KIAA1217: variants seen among roughly 807,000 people sequenced by gnomAD.
The protein encoded by KIAA1217 is sickle tail protein homolog.
In KIAA1217, 88 loss-of-function variants were observed where a neutral mutation model predicts 163.9. The observed-to-expected ratio is 0.54, with a 90% CI of 0.45 to 0.64. The LOEUF (loss-of-function observed/expected upper bound fraction) is 0.64, where lower values mean the gene tolerates loss of function less well. KIAA1217 is among the 30% of genes least tolerant of loss of function. The pLI is 0.00. For synonymous variants in KIAA1217, 903 were observed against 923.1 expected (o/e 0.98, Z 0.39); for missense variants, 2,372 against 2,475.0 (o/e 0.96, Z 0.88).
chr10:24,302,268 G>A (rs1343625599), intron 2 of KIAA1217, among the ~76,000 whole-genome samples: 1 of 152,210 alleles, frequency 6.6e-6, no homozygotes, highest in African/African-American at 2.4e-5. Context: ...CATTTCAAGA[G>A]ACAGGCCAGG....
chr10:24,477,289 G>A (rs530061223), intron 6 of KIAA1217, among the ~76,000 whole-genome samples: 3 of 152,290 alleles, frequency 2.0e-5, no homozygotes, highest in East Asian at 3.9e-4. Context: ...ATTATATGAT[G>A]TAATCATCAT....
intron 13 of KIAA1217, among the ~76,000 whole-genome samples, chr10:24,526,265 T>C (rs1414420219): frequency 1.3e-5 from 2 of 151,968 alleles, no homozygotes; most frequent in East Asian, 3.9e-4. Flanking sequence ...CTCTGAACAC[T>C]AGGTGGTTTC....
intron 5 of KIAA1217, among the ~76,000 whole-genome samples, chr10:24,456,882 T>C (rs1302636034): frequency 1.3e-5 from 2 of 151,938 alleles, no homozygotes; most frequent in African/African-American, 4.8e-5. Flanking sequence ...TTTGTGTTTT[T>C]AGTAGAGTCA....
intron 1 of KIAA1217, among the ~76,000 whole-genome samples, chr10:23,819,152 ACTCT>A (rs1442187759): frequency 6.6e-6 from 1 of 151,850 alleles, no homozygotes; most frequent in Non-Finnish European, 1.5e-5. Context: ...CCTCATATTC[ACTCT>A]CTCCTTCTTT....
chr10:23,880,037 G>A (rs994960216), intron 1 of KIAA1217, among the ~76,000 whole-genome samples: 2 of 151,900 alleles, frequency 1.3e-5, no homozygotes, highest in Non-Finnish European at 2.9e-5. Context: ...GACTGTTTCT[G>A]TTTTCTCAGG....
intron 3 of KIAA1217, among the ~76,000 whole-genome samples, chr10:24,424,823 G>C (rs917103549): frequency 6.6e-6 from 1 of 152,084 alleles, no homozygotes; most frequent in Non-Finnish European, 1.5e-5. Context: ...GGATGATCTC[G>C]ATCTCCTGAC....
intron 1 of KIAA1217, among the ~76,000 whole-genome samples, chr10:23,773,375 A>G (rs1834877879): frequency 6.6e-6 from 1 of 151,480 alleles, no homozygotes; most frequent in African/African-American, 2.4e-5. Context: ...GCCTTGTAGT[A>G]TAGTTTGAAG....
chr10:24,519,667 A>C (rs1235333747), intron 10 of KIAA1217, among the ~76,000 whole-genome samples: 1 of 152,120 alleles, frequency 6.6e-6, no homozygotes. Flanking sequence ...ACACAGCCCA[A>C]AATGTCAAAT....
chr10:24,208,094 A>G (rs957135091), upstream of KIAA1217, among the ~76,000 whole-genome samples: 21 of 150,096 alleles, frequency 1.4e-4, no homozygotes, highest in Non-Finnish European at 8.8e-5. Flanking sequence ...CGCAGAGCTA[A>G]TGTTGCCTAA....
At chr10:24,493,890 C>A (rs1181960902) in intron 6 of KIAA1217, among the ~76,000 whole-genome samples, 1 of 152,150 alleles carries the variant, frequency 6.6e-6, no homozygotes, top group Non-Finnish European at 1.5e-5. Flanking sequence ...AAACTCCTGA[C>A]CTCAGGTGAT....
chr10:23,906,427 A>C (rs1189051127), intron 1 of KIAA1217, among the ~76,000 whole-genome samples: 1 of 152,162 alleles, frequency 6.6e-6, no homozygotes, highest in East Asian at 1.9e-4. Flanking sequence ...TGAGAAGTAG[A>C]GAAAGAAATT....
chr10:23,905,979 G>T (rs1170187682), intron 1 of KIAA1217, among the ~76,000 whole-genome samples: 2 of 152,058 alleles, frequency 1.3e-5, no homozygotes, highest in Non-Finnish European at 2.9e-5. Context: ...TCAAGGTGCT[G>T]GTAGGTTGAG....
chr10:24,045,940 A>G (rs1848986098), intron 2 of KIAA1217, among the ~76,000 whole-genome samples: 1 of 152,084 alleles, frequency 6.6e-6, no homozygotes, highest in Non-Finnish European at 1.5e-5. Flanking sequence ...ATACAAACCC[A>G]CCAAATGGAA....
At chr10:24,165,905 C>T (rs2065322063) in intron 2 of KIAA1217, among the ~76,000 whole-genome samples, 1 of 152,100 alleles carries the variant, frequency 6.6e-6, no homozygotes, top group African/African-American at 2.4e-5. Context: ...ACTTTGCTGG[C>T]TTTTATCAGT....
At chr10:24,369,800 T>A (rs1272901901) in intron 2 of KIAA1217, among the ~76,000 whole-genome samples, 1 of 152,214 alleles carries the variant, frequency 6.6e-6, no homozygotes, top group Non-Finnish European at 1.5e-5. Flanking sequence ...TTCCTGACTT[T>A]CTGAATTACA....
At chr10:24,175,950 T>C (rs1418720377) in intron 2 of KIAA1217, among the ~76,000 whole-genome samples, 3 of 152,136 alleles carry the variant, frequency 2.0e-5, no homozygotes, top group Non-Finnish European at 4.4e-5. Context: ...GCAGCAGCAA[T>C]ATTTATTGCA....
At chr10:23,956,147 C>A (rs1191573390) in intron 1 of KIAA1217, among the ~76,000 whole-genome samples, 1 of 152,172 alleles carries the variant, frequency 6.6e-6, no homozygotes, top group African/African-American at 2.4e-5. Flanking sequence ...AAGGGAGCTG[C>A]AACTTAGGAA....
At chr10:23,745,972 G>T (rs1397856314) in intron 1 of KIAA1217, among the ~76,000 whole-genome samples, 1 of 152,134 alleles carries the variant, frequency 6.6e-6, no homozygotes, top group Non-Finnish European at 1.5e-5. Context: ...ACCACTTTTT[G>T]AAGGACTACA....
intron 9 of KIAA1217, among the ~76,000 whole-genome samples, chr10:24,507,405 T>C (rs191190176): frequency 2.6e-5 from 4 of 152,282 alleles, no homozygotes; most frequent in Admixed American, 2.6e-4. Context: ...AAAACAGCTA[T>C]TATAATTATT....
Sources: allele counts gnomAD v4.1 joint callset (sites outside exome capture counted in the v4.1 genomes callset), GRCh38; gene constraint gnomAD v4.1.1; transcripts MANE v1.5; gene names NCBI Gene and HGNC (gene_info 2026-07-23, HGNC 2026-07-21).